HIPK3: variants seen among roughly 807,000 people sequenced by gnomAD.
HIPK3 encodes the protein homeodomain interacting protein kinase 3.
In HIPK3, 47 loss-of-function variants were observed where a neutral mutation model predicts 124.2. The observed-to-expected ratio is 0.38, with a 90% CI of 0.30 to 0.48. The LOEUF (loss-of-function observed/expected upper bound fraction) is 0.48. HIPK3 is among the 20% of genes least tolerant of loss of function. The probability of loss-of-function intolerance (pLI) is 0.98; values close to 1 mark genes in which losing one functional copy is unlikely to be tolerated. For synonymous variants in HIPK3, 482 were observed against 515.2 expected, an observed-to-expected ratio of 0.94 and a Z score of 0.87; for missense variants, 1,286 against 1,454.3, an observed-to-expected ratio of 0.88 and a Z score of 1.88.
chr11:33,273,385 T>A (rs1851187259), intron 1 of HIPK3, among the ~76,000 whole-genome samples: 1 of 151,622 alleles, frequency 6.6e-6, no homozygotes, highest in Non-Finnish European at 1.5e-5. Context: ...GGCGGGCACC[T>A]GTAGTCCCAG....
intron 2 of HIPK3, among the ~76,000 whole-genome samples, chr11:33,303,845 A>G (rs1250303448): frequency 6.6e-6 from 1 of 152,222 alleles, no homozygotes; most frequent in African/African-American, 2.4e-5. Flanking sequence ...AAAAGGAACA[A>G]ACATTTCTTT....
At chr11:33,312,100 T>C (rs1486543158) in intron 2 of HIPK3, among the ~76,000 whole-genome samples, 2 of 152,326 alleles carry the variant, frequency 1.3e-5, no homozygotes, top group Admixed American at 1.3e-4. Context: ...CCTCAAGCTA[T>C]CCTTCTGCCT....
chr11:33,272,807 C>T (rs1393556683), intron 1 of HIPK3, among the ~76,000 whole-genome samples: 24 of 137,524 alleles, frequency 1.7e-4, no homozygotes, highest in African/African-American at 4.8e-4. Flanking sequence ...CCTTCCTTCC[C>T]TCCCTCCCTC....
intron 1 of HIPK3, among the ~76,000 whole-genome samples, chr11:33,278,469 T>A (rs1384879430): frequency 1.3e-5 from 2 of 152,020 alleles, no homozygotes; most frequent in African/African-American, 4.8e-5. Context: ...AATAACTGGA[T>A]CCATGTAAAG....
intron 2 of HIPK3, among the ~76,000 whole-genome samples, chr11:33,308,952 T>G (rs955112572): frequency 2.0e-5 from 3 of 151,842 alleles, no homozygotes; most frequent in Non-Finnish European, 4.4e-5. Flanking sequence ...ACCAATATTT[T>G]ACTGTAAAAC....
At chr11:33,312,488 C>T (rs1852378757) in intron 2 of HIPK3, among the ~76,000 whole-genome samples, 1 of 152,082 alleles carries the variant, frequency 6.6e-6, no homozygotes, top group South Asian at 2.1e-4. Context: ...ATTTGGGGAG[C>T]ATTATGTCTC....
At chr11:33,265,633 G>A (rs759107291) in intron 1 of HIPK3, among the ~76,000 whole-genome samples, 13 of 151,868 alleles carry the variant, frequency 8.6e-5, no homozygotes, top group African/African-American at 3.1e-4. Flanking sequence ...AACTAGCTGG[G>A]CATGGTGGTG....
chr11:33,298,011 A>G (rs558485444), intron 2 of HIPK3, among the ~76,000 whole-genome samples: 13 of 151,010 alleles, frequency 8.6e-5, no homozygotes, highest in Non-Finnish European at 1.5e-4. Context: ...CTGGTCTTGA[A>G]CTCCTGACCT....
intron 2 of HIPK3, among the ~76,000 whole-genome samples, chr11:33,324,512 G>A (rs1332088211): frequency 6.6e-6 from 1 of 152,186 alleles, no homozygotes; most frequent in East Asian, 1.9e-4. Context: ...GCTAGTTGTG[G>A]CAGCTGTGAA....
chr11:33,307,457 G>A (rs1479272501), intron 2 of HIPK3, among the ~76,000 whole-genome samples: 1 of 145,518 alleles, frequency 6.9e-6, no homozygotes, highest in African/African-American at 2.6e-5. Context: ...GGAGTGCAGT[G>A]GCGTGATCTC....
chr11:33,272,852 C>T (rs1265282688), intron 1 of HIPK3, among the ~76,000 whole-genome samples: 1 of 85,348 alleles, frequency 1.2e-5, no homozygotes, highest in Non-Finnish European at 2.5e-5. Flanking sequence ...CCGTTCCCTC[C>T]TGTCCCCTGT....
intron 1 of HIPK3, among the ~76,000 whole-genome samples, chr11:33,259,174 CA>C (rs1364079628): frequency 1.3e-5 from 2 of 152,140 alleles, no homozygotes; most frequent in Non-Finnish European, 2.9e-5. Flanking sequence ...CAGTTAATTT[CA>C]AAGTTTTAGT....
intron 1 of HIPK3, among the ~76,000 whole-genome samples, chr11:33,285,515 C>T (rs1851522659): frequency 6.6e-6 from 1 of 151,014 alleles, no homozygotes; most frequent in Non-Finnish European, 1.5e-5. Flanking sequence ...AATTGGCACC[C>T]TAATTTTATT....
chr11:33,348,384 A>G (rs531431270), intron 12 of HIPK3, 138 bp from the exon 13 acceptor site: 1 of 1,013,498 alleles, frequency 9.9e-7, no homozygotes, highest in South Asian at 1.7e-5. Context: ...TTTCACAAAA[A>G]CTCAAGATCT....
In HIPK3 at chr11:33,288,761, C is replaced by T. The variant is rs117323852; in HGVS notation, c.1097+1250C>T. Among the ~76,000 whole-genome samples, 302 of 152,246 alleles carry T rather than the reference C, an allele frequency of 2.0e-3. 1 individual carries two copies. The highest frequency in any genetic ancestry group is 3.5e-3 in the Non-Finnish European group (240 of 68,012). ...TGGCTTTGAATTCATAGTTTGATAA[C>T]TTTGAGCTTAAATTATTTTCATATA... On this transcript the variant is annotated intron_variant, in intron 2 of 16. Coordinates refer to ENST00000303296, the MANE Select transcript of HIPK3 (RefSeq NM_005734.5).
At chr11:33,275,548 A>G (rs1023541212) in intron 1 of HIPK3, among the ~76,000 whole-genome samples, 3 of 152,208 alleles carry the variant, frequency 2.0e-5, no homozygotes, top group African/African-American at 7.2e-5. Context: ...CACTTTAAAC[A>G]AGGTAATTGA....
rs571522581 is a variant in HIPK3, at chr11:33,303,257, G to A, written c.1097+15746G>A. ...TAATCTCTAGATTACTTATTATAAT[G>A]CCTAATACAATGTAAATACTTTGTA... On this transcript the variant is annotated intron_variant, in intron 2 of 16. Transcript: ENST00000303296. Among the ~76,000 whole-genome samples, 14 of 152,172 alleles carry A rather than the reference G, an allele frequency of 9.2e-5. No individual in the cohort carries two copies. The East Asian group carries it at 2.3e-3, about 25-fold the overall frequency.
intron 1 of HIPK3, chr11:33,258,309 TAA>T (rs1228104055): frequency 2.0e-6 from 2 of 984,998 alleles, no homozygotes; most frequent in East Asian, 2.3e-4. Context: ...TCCTAGGCCG[TAA>T]CTACGGAGAT....
intron 16 of HIPK3, 63 bp downstream of exon 16, chr11:33,352,328 T>A: frequency 6.4e-7 from 1 of 1,556,986 alleles, no homozygotes; most frequent in Non-Finnish European, 8.8e-7. Flanking sequence ...GTTTTTCACG[T>A]GGAGGAGAAA....
Sources: gnomAD v4.1 joint callset for allele counts (sites outside exome capture counted in the v4.1 genomes callset) on GRCh38, gnomAD v4.1.1 for gene constraint, MANE v1.5 for transcripts, NCBI Gene and HGNC (gene_info 2026-07-23, HGNC 2026-07-21) for gene names.